Variants in KCTD8 observed in about 807,000 individuals in gnomAD.
The protein encoded by KCTD8 is potassium channel tetramerization domain containing 8, also known as BTB/POZ domain-containing protein KCTD8.
A neutral mutation model predicts 31.5 loss-of-function variants in KCTD8; 27 were observed. The observed-to-expected ratio is 0.86, with a 90% CI of 0.63 to 1.18. The LOEUF is 1.18. Among genes scored for constraint, KCTD8 ranks in the 50% most tolerant of loss-of-function variants. KCTD8 has a pLI of 0.00. For synonymous variants in KCTD8, 290 were observed against 280.0 expected (o/e 1.04, Z -0.36); for missense variants, 658 against 647.7 (o/e 1.02, Z -0.17).
intron 1 of KCTD8, among the ~76,000 whole-genome samples, chr4:44,356,026 A>G (rs1324231067): frequency 6.6e-6 from 1 of 152,208 alleles, no homozygotes; most frequent in Non-Finnish European, 1.5e-5. Flanking sequence ...ACAAGTGCAC[A>G]CACATATTCA....
At chr4:44,362,301 T>G (rs985331008) in intron 1 of KCTD8, among the ~76,000 whole-genome samples, 50 of 152,146 alleles carry the variant, frequency 3.3e-4, no homozygotes, top group African/African-American at 1.2e-3. Context: ...ATGAGAAGCA[T>G]AAAGAGAATA....
intron 1 of KCTD8, among the ~76,000 whole-genome samples, chr4:44,372,863 T>A (rs1300424932): frequency 6.6e-6 from 1 of 152,200 alleles, no homozygotes; most frequent in Admixed American, 6.5e-5. Flanking sequence ...TTCCACATTA[T>A]CTTTCATTGC....
intron 1 of KCTD8, among the ~76,000 whole-genome samples, chr4:44,239,233 TTTGATGTTG>T (rs1379159277): frequency 1.3e-5 from 2 of 152,164 alleles, no homozygotes; most frequent in Non-Finnish European, 2.9e-5. Context: ...CAAAGAAAAT[TTTGATGTTG>T]TCGTGGACTC....
At chr4:44,247,459 T>TGC (rs558247465) in intron 1 of KCTD8, among the ~76,000 whole-genome samples, 2 of 151,962 alleles carry the variant, frequency 1.3e-5, no homozygotes, top group Non-Finnish European at 2.9e-5. Flanking sequence ...TGTGTGTGTG[T>TGC]GCGTGTGTGT....
intron 1 of KCTD8, among the ~76,000 whole-genome samples, chr4:44,382,298 A>G (rs911134991): frequency 2.6e-5 from 4 of 152,108 alleles, no homozygotes; most frequent in African/African-American, 9.7e-5. Flanking sequence ...AAAAAAATTA[A>G]CACCCTTCAT....
At chr4:44,262,974 T>C (rs1051345880) in intron 1 of KCTD8, among the ~76,000 whole-genome samples, 3 of 152,056 alleles carry the variant, frequency 2.0e-5, no homozygotes, top group Non-Finnish European at 4.4e-5. Flanking sequence ...AAATGAAACA[T>C]ATGTTGAATT....
chr4:44,281,568 A>C (rs758949983), intron 1 of KCTD8, among the ~76,000 whole-genome samples: 1 of 152,158 alleles, frequency 6.6e-6, no homozygotes, highest in African/African-American at 2.4e-5. Flanking sequence ...AATGACATTA[A>C]GACAGAGTTC....
intron 1 of KCTD8, among the ~76,000 whole-genome samples, chr4:44,442,661 A>ACATTT (rs1281938912): frequency 1.3e-5 from 2 of 152,228 alleles, no homozygotes; most frequent in Non-Finnish European, 2.9e-5. Flanking sequence ...AATCATTTTC[A>ACATTT]CATTTTTAAA....
In KCTD8 at chr4:44,361,421, T is replaced by G. The variant is rs527722807; in HGVS notation, c.961+86142A>C. Among the ~76,000 whole-genome samples the G allele has an allele frequency of 3.9e-5, 6 of 152,136 alleles. No homozygotes were observed. The East Asian group carries it at 1.2e-3, about 29-fold the overall frequency. On this transcript the variant is annotated intron_variant, in intron 1 of 1. Coordinates refer to ENST00000360029, the MANE Select transcript of KCTD8 (RefSeq NM_198353.3). ...TACAATGGAGCCTTCGGTGTTGAGA[T>G]GGATTTGGGTCAGAAATGAACTAGA...
chr4:44,274,043 A>T (rs189523204), intron 1 of KCTD8, among the ~76,000 whole-genome samples: 16 of 152,106 alleles, frequency 1.1e-4, no homozygotes, highest in Admixed American at 7.9e-4. Context: ...TTTAAAAAAG[A>T]TTATAACCTC....
intron 1 of KCTD8, among the ~76,000 whole-genome samples, chr4:44,341,585 T>C (rs1028213915): frequency 2.0e-5 from 3 of 152,222 alleles, no homozygotes; most frequent in Admixed American, 6.5e-5. Context: ...CAGAAATGGA[T>C]TCTGTCTCAA....
At chr4:44,272,277 A>G (rs1043767903) in intron 1 of KCTD8, among the ~76,000 whole-genome samples, 19 of 151,864 alleles carry the variant, frequency 1.3e-4, no homozygotes, top group African/African-American at 4.4e-4. Context: ...TAGCAACAGG[A>G]ACATTTTTTT....
At chr4:44,384,064 C>T (rs1720142824) in intron 1 of KCTD8, among the ~76,000 whole-genome samples, 1 of 151,722 alleles carries the variant, frequency 6.6e-6, no homozygotes, top group East Asian at 1.9e-4. Flanking sequence ...TTAAAAAATG[C>T]TCAAATCCTA....
intron 1 of KCTD8, among the ~76,000 whole-genome samples, chr4:44,181,512 C>T (rs906667656): frequency 1.1e-4 from 16 of 152,198 alleles, no homozygotes; most frequent in South Asian, 2.1e-4. Flanking sequence ...CCCCCCGAGG[C>T]GCCGGGATTG....
chr4:44,263,646 T>C (rs1240110575), intron 1 of KCTD8, among the ~76,000 whole-genome samples: 1 of 152,052 alleles, frequency 6.6e-6, no homozygotes, highest in Non-Finnish European at 1.5e-5. Flanking sequence ...AATACCAATT[T>C]TGGAAAAAAA....
intron 1 of KCTD8, among the ~76,000 whole-genome samples, chr4:44,399,904 T>A (rs1422403786): frequency 6.6e-6 from 1 of 152,190 alleles, no homozygotes; most frequent in Non-Finnish European, 1.5e-5. Context: ...CTTTTCTAGA[T>A]AAGCCAAATC....
intron 1 of KCTD8, among the ~76,000 whole-genome samples, chr4:44,232,926 C>T (rs1309192815): frequency 1.3e-5 from 2 of 151,788 alleles, no homozygotes; most frequent in East Asian, 3.9e-4. Context: ...CTTTGAGGAG[C>T]TAAAGTTGGA....
chr4:44,253,864 T>C (rs1204124134), intron 1 of KCTD8, among the ~76,000 whole-genome samples: 3 of 151,886 alleles, frequency 2.0e-5, no homozygotes, highest in Non-Finnish European at 2.9e-5. Context: ...AAAACAGAAA[T>C]TGATCCTGCA....
chr4:44,200,664 A>G (rs760935928), intron 1 of KCTD8, among the ~76,000 whole-genome samples: 26 of 152,222 alleles, frequency 1.7e-4, no homozygotes, highest in Middle Eastern at 3.4e-3. Context: ...CCTCAAAATC[A>G]TAAGAGGCAT....
Sources: gnomAD v4.1 joint callset for allele counts (sites outside exome capture counted in the v4.1 genomes callset) on GRCh38, gnomAD v4.1.1 for gene constraint, MANE v1.5 for transcripts, NCBI Gene and HGNC (gene_info 2026-07-23, HGNC 2026-07-21) for gene names.